ATP6V0A2: variants seen among roughly 807,000 people sequenced by gnomAD.
The protein encoded by ATP6V0A2 is ATPase H+ transporting V0 subunit a2, also known as V-type proton ATPase 116 kDa subunit a 2.
ATP6V0A2 carries 58 observed loss-of-function variants against 104.4 expected under a neutral mutation model. The ratio of observed to expected loss-of-function variants is 0.56; its 90% CI spans 0.45 to 0.69. The LOEUF (loss-of-function observed/expected upper bound fraction) is 0.69. ATP6V0A2 is among the 30% of genes least tolerant of loss of function. ATP6V0A2 has a pLI of 0.00. For missense variants in ATP6V0A2, 938 were observed against 1,062.9 expected (o/e 0.88, Z 1.63); for synonymous variants, 376 against 397.9 (o/e 0.95, Z 0.65).
At chr12:123,742,502 C>T (rs1200636627) in intron 9 of ATP6V0A2, among the ~76,000 whole-genome samples, 1 of 152,106 alleles carries the variant, frequency 6.6e-6, no homozygotes, top group Admixed American at 6.5e-5. Flanking sequence ...GTGCCACCCT[C>T]GAGAATTTCC....
chr12:123,715,944 G>A (rs1956334804), intron 1 of ATP6V0A2, among the ~76,000 whole-genome samples: 1 of 152,006 alleles, frequency 6.6e-6, no homozygotes. Flanking sequence ...AGAGTACAGT[G>A]TACCCCCATG....
chr12:123,742,836 T>TAAAA (rs55952758), intron 9 of ATP6V0A2, among the ~76,000 whole-genome samples: 1 of 143,136 alleles, frequency 7.0e-6, no homozygotes. Flanking sequence ...ACTCCTTCTT[T>TAAAA]AAAAAAAAAA....
chr12:123,729,322 G>GTTTTTGTTTTTTTT (rs1555296871), intron 6 of ATP6V0A2, among the ~76,000 whole-genome samples: 1 of 113,890 alleles, frequency 8.8e-6, no homozygotes, highest in Non-Finnish European at 1.7e-5. Flanking sequence ...CAAGGAGGCT[G>GTTTTTGTTTTTTTT]TTTTTTTTTT....
rs1050534772 is a variant in ATP6V0A2, at chr12:123,759,324, A to G, written c.*1292A>G. 3 of 152,204 alleles carry G rather than the reference A, an allele frequency of 2.0e-5. No individual in the cohort carries two copies. The highest frequency in any genetic ancestry group is 7.2e-5 in the African/African-American group (3 of 41,446). The allele number at this position is 152,204 out of a possible 1,614,324, so 9.4% of individuals were successfully genotyped here. On this transcript the variant is annotated 3_prime_UTR_variant, in exon 20 of 20. Coordinates refer to ENST00000330342, the MANE Select transcript of ATP6V0A2 (RefSeq NM_012463.4). ...CTAATGATACTTTTTTTACTTTCAG[A>G]CTGTTTCTAGCTAAAGTTCTGATAA...
At position 123,756,877 on chromosome 12, in the gene ATP6V0A2, G is replaced by C; in HGVS notation, c.2356G>C (p.Gly786Arg). Residue 786 changes from glycine to arginine, a missense_variant, in exon 19 of 20, where the codon GGC becomes CGC. Transcript: ENST00000330342. ...GGGCCTCCGCGTTGACACCACCTAT[G>C]GCGTCTTGCTACTGCTCCCGGTTAT... ...RVGLRVDTTY[G>R]VLLLLPVIAL... 1 of 1,614,160 alleles carries C rather than the reference G, an allele frequency of 6.2e-7. No homozygotes were observed. Among genetic ancestry groups the C allele is most frequent in the South Asian group, 1.1e-5 (1 of 91,076 alleles).
At chr12:123,740,262 G>T (rs1376442296) in intron 9 of ATP6V0A2, among the ~76,000 whole-genome samples, 1 of 151,458 alleles carries the variant, frequency 6.6e-6, no homozygotes, top group Non-Finnish European at 1.5e-5. Flanking sequence ...GAGTACAGTG[G>T]CATGATACTG....
rs750438163 is a variant in ATP6V0A2 at position 123,737,379 on chromosome 12, G to A, written c.1038+108G>A. On this transcript the variant is annotated intron_variant, in intron 9 of 19. Transcript: ENST00000330342. ...AATTTCATAGAGTAATGAGAATGCAGTGTGTTGACTCTTCTTTTGTTTTTT... is the reference window on the plus strand; with the variant it reads ...AATTTCATAGAGTAATGAGAATGCAATGTGTTGACTCTTCTTTTGTTTTTT... 43 of 1,023,418 alleles carry A rather than the reference G, an allele frequency of 4.2e-5. 2 individuals are homozygous for A. In the South Asian group the frequency reaches 5.4e-4, roughly 13 times the overall value. The allele number at this position is 1,023,418 out of a possible 1,614,324, so 63.4% of individuals were successfully genotyped here.
Position 123,743,943 on chromosome 12 carries a change from G to A in ATP6V0A2, c.1189+8G>A. The stretch of plus-strand genomic sequence containing the variant: ...ACAGAGAAGTCAATCCAGGTTGGAA[G>A]TCTGATTTGTAAATACCCGTATTTC... On this transcript the variant is annotated splice_region_variant and intron_variant, in intron 10 of 19. Transcript: ENST00000330342. The A allele has an allele frequency of 6.2e-7, 1 of 1,614,170 alleles. No individual in the cohort carries two copies. The highest frequency in any genetic ancestry group is 8.5e-7 in the Non-Finnish European group (1 of 1,180,010).
intron 7 of ATP6V0A2, 59 bp from the exon 8 acceptor site, chr12:123,735,472 G>T: frequency 6.7e-7 from 1 of 1,496,554 alleles, no homozygotes; most frequent in South Asian, 1.1e-5. Flanking sequence ...CCGGGGAGGT[G>T]AACGTGTTTA....
chr12:123,718,398 T>C (rs1393738864), intron 1 of ATP6V0A2, among the ~76,000 whole-genome samples: 2 of 152,124 alleles, frequency 1.3e-5, no homozygotes, highest in African/African-American at 2.4e-5. Context: ...CTAATTTTTG[T>C]ATTTTTAGCA....
Position 123,724,843 on chromosome 12 carries a change from TA to T in ATP6V0A2, c.432+57del, listed in dbSNP as rs760508505. 5 of 1,547,232 alleles carry T rather than the reference TA, an allele frequency of 3.2e-6. No homozygotes were observed. In the Admixed American group the frequency reaches 6.7e-5, roughly 21 times the overall value. On this transcript the variant is annotated intron_variant, in intron 4 of 19. Transcript: ENST00000330342. ...AGCTGTTTTTATAAACAGCTTTTTA[TA>T]AAAATCTCATTCCCATAGGCTGTGT...
chr12:123,756,287 A>G (rs1420539455), intron 18 of ATP6V0A2: 2 of 151,146 alleles, frequency 1.3e-5, no homozygotes, highest in African/African-American at 4.9e-5. Flanking sequence ...GCTTGTGGAA[A>G]CCACCGGACA....
chr12:123,715,272 T>C (rs2135874534), intron 1 of ATP6V0A2, among the ~76,000 whole-genome samples: 1 of 152,320 alleles, frequency 6.6e-6, no homozygotes, highest in South Asian at 2.1e-4. Flanking sequence ...TAGTATCCTG[T>C]GACAGCTTTA....
chr12:123,717,493 A>G (rs2135878038), intron 1 of ATP6V0A2, among the ~76,000 whole-genome samples: 1 of 143,170 alleles, frequency 7.0e-6, no homozygotes, highest in South Asian at 2.2e-4. Context: ...CACCCAGGCT[A>G]GAGTGCAGTG....
At chr12:123,757,787 A>G in intron 19 of ATP6V0A2, 140 bp from the exon 20 acceptor site, 2 of 644,906 alleles carry the variant, frequency 3.1e-6, no homozygotes, top group Non-Finnish European at 5.3e-6. Flanking sequence ...TGTTTAGCTA[A>G]GTAAAAATAT....
intron 13 of ATP6V0A2, among the ~76,000 whole-genome samples, chr12:123,745,769 CGAGGGCTCA>C (rs1566288263): frequency 6.6e-6 from 1 of 151,402 alleles, no homozygotes. Context: ...CCAACCCCTT[CGAGGGCTCA>C]GCAGGCGGTG....
chr12:123,741,882 T>C (rs1956612780), intron 9 of ATP6V0A2, among the ~76,000 whole-genome samples: 1 of 152,350 alleles, frequency 6.6e-6, no homozygotes, highest in South Asian at 2.1e-4. Context: ...AGGTTCAGGA[T>C]AGCGATCCTA....
At chr12:123,738,639 T>G (rs945866831) in intron 9 of ATP6V0A2, among the ~76,000 whole-genome samples, 2 of 152,236 alleles carry the variant, frequency 1.3e-5, no homozygotes, top group African/African-American at 4.8e-5. Flanking sequence ...TAGTTGAACT[T>G]ATCCATCTTT....
Position 123,747,695 on chromosome 12 carries a change from T to C in ATP6V0A2, c.1694T>C (p.Phe565Ser), listed in dbSNP as rs1261479525. Reference sequence around the variant, plus strand: ...ATTTTAGGAATCATTCATATGACTTTTGGAGTCATTCTGGGAATATTTAAC... The same window carrying C: ...ATTTTAGGAATCATTCATATGACTTCTGGAGTCATTCTGGGAATATTTAAC... ...SVILGIIHMT[F>S]GVILGIFNHL... Residue 565 changes from phenylalanine (F) to serine (S), a missense_variant, in exon 14 of 20, where the codon TTT (phenylalanine) becomes TCT (serine). By Grantham distance (155) the Phe-to-Ser change is radical. Transcript: ENST00000330342. 6.2e-7 allele frequency: 1 copy of C among 1,608,124 alleles called. No homozygotes were observed. The highest frequency in any genetic ancestry group is 1.7e-5 in the Admixed American group (1 of 60,024).
Sources: allele counts gnomAD v4.1 joint callset (sites outside exome capture counted in the v4.1 genomes callset), GRCh38; gene constraint gnomAD v4.1.1; transcripts MANE v1.5; gene names NCBI Gene and HGNC (gene_info 2026-07-23, HGNC 2026-07-21).